Variants in ADK observed in about 807,000 individuals in gnomAD.
ADK encodes the protein adenosine kinase.
ADK carries 24 observed loss-of-function variants against 44.7 expected under a neutral mutation model. The ratio of observed to expected loss-of-function variants is 0.54; its 90% confidence interval spans 0.39 to 0.76. ADK has a LOEUF of 0.76. ADK is among the 30% of genes least tolerant of loss of function. ADK has a pLI of 0.00. For synonymous variants in ADK, 128 were observed against 142.6 expected (o/e 0.90, Z 0.73); for missense variants, 321 against 425.1 (o/e 0.76, Z 2.15).
At chr10:74,218,326 A>G (rs1844146270) in intron 2 of ADK, among the ~76,000 whole-genome samples, 1 of 152,210 alleles carries the variant, frequency 6.6e-6, no homozygotes. Context: ...AGAAAAAAGA[A>G]TAAAAAGAAA....
At chr10:74,267,449 C>G (rs1166026633) in intron 3 of ADK, among the ~76,000 whole-genome samples, 1 of 152,064 alleles carries the variant, frequency 6.6e-6, no homozygotes, top group Non-Finnish European at 1.5e-5. Context: ...AAGATGATTC[C>G]TTGATTCCTG....
chr10:74,233,823 A>G (rs1243370462), intron 3 of ADK, among the ~76,000 whole-genome samples: 1 of 152,214 alleles, frequency 6.6e-6, no homozygotes, highest in African/African-American at 2.4e-5. Flanking sequence ...CTCTTCAACA[A>G]TAACAAAAAA....
At chr10:74,221,368 A>G (rs1844301358) in intron 2 of ADK, among the ~76,000 whole-genome samples, 2 of 150,604 alleles carry the variant, frequency 1.3e-5, no homozygotes, top group South Asian at 4.2e-4. Context: ...ATGAAATAAA[A>G]GAGGATACAA....
chr10:74,591,979 A>AT (rs113607429), intron 8 of ADK, among the ~76,000 whole-genome samples: 49 of 148,540 alleles, frequency 3.3e-4, no homozygotes, highest in South Asian at 1.9e-3. Flanking sequence ...TCTCAGTGGC[A>AT]TTTTTTTTTT....
chr10:74,514,020 G>T (rs1848459883), intron 6 of ADK, among the ~76,000 whole-genome samples: 1 of 152,136 alleles, frequency 6.6e-6, no homozygotes, highest in South Asian at 2.1e-4. Flanking sequence ...GATTCCCTTA[G>T]TTTTGCTAGT....
chr10:74,220,212 C>G (rs1232414160), intron 2 of ADK, among the ~76,000 whole-genome samples: 4 of 151,744 alleles, frequency 2.6e-5, no homozygotes, highest in African/African-American at 2.4e-5. Flanking sequence ...CACAGAAATA[C>G]AAACTACCAT....
At position 74,323,789 on chromosome 10, in the gene ADK, C is replaced by T. The variant is rs1341839027; in HGVS notation, c.273+9044C>T. Among the ~76,000 whole-genome samples, 5 of 152,204 alleles carry T rather than the reference C, an allele frequency of 3.3e-5. No individual in the cohort carries two copies. In the East Asian group the frequency reaches 9.7e-4, roughly 30 times the overall value. On this transcript the variant is annotated intron_variant, in intron 4 of 10. Transcript: ENST00000539909. ...GTTTCACCGTGTTAGCCAGGATGGT[C>T]TCTATCTCCTGACCTTGTGATCCGC...
intron 3 of ADK, among the ~76,000 whole-genome samples, chr10:74,232,848 A>G (rs1177328558): frequency 1.3e-5 from 2 of 151,850 alleles, no homozygotes; most frequent in Non-Finnish European, 2.9e-5. Flanking sequence ...CTAGTCTCGA[A>G]CTCCTGACCT....
chr10:74,305,587 C>T (rs1840217749), intron 3 of ADK, among the ~76,000 whole-genome samples: 1 of 152,160 alleles, frequency 6.6e-6, no homozygotes, highest in African/African-American at 2.4e-5. Context: ...CTTGGTTCCA[C>T]TCTCTGTGTT....
intron 4 of ADK, among the ~76,000 whole-genome samples, chr10:74,352,853 A>C (rs1842011178): frequency 6.6e-6 from 1 of 152,246 alleles, no homozygotes; most frequent in Non-Finnish European, 1.5e-5. Context: ...GCAAATCAAA[A>C]CCACAATGAG....
At chr10:74,215,302 G>T (rs1454771829) in intron 2 of ADK, among the ~76,000 whole-genome samples, 1 of 152,150 alleles carries the variant, frequency 6.6e-6, no homozygotes, top group Non-Finnish European at 1.5e-5. Flanking sequence ...AAGCCATGGT[G>T]GGAAGTTGGG....
chr10:74,531,795 A>C (rs898638720), intron 7 of ADK, among the ~76,000 whole-genome samples: 1 of 152,152 alleles, frequency 6.6e-6, no homozygotes, highest in Non-Finnish European at 1.5e-5. Flanking sequence ...AGCCTCCCAA[A>C]GTGCTGGGAT....
intron 4 of ADK, among the ~76,000 whole-genome samples, chr10:74,356,827 G>GGA (rs1228850583): frequency 9.9e-5 from 15 of 152,188 alleles, no homozygotes; most frequent in African/African-American, 3.4e-4. Flanking sequence ...AGTGTTCTAA[G>GGA]GAGAGGCATT....
chr10:74,262,298 A>G (rs1394571337), intron 3 of ADK, among the ~76,000 whole-genome samples: 2 of 140,644 alleles, frequency 1.4e-5, no homozygotes, highest in African/African-American at 5.3e-5. Flanking sequence ...GGATGACAAG[A>G]GTGAGACTTC....
chr10:74,170,397 C>T (rs888216112), intron 1 of ADK, among the ~76,000 whole-genome samples: 10 of 151,800 alleles, frequency 6.6e-5, no homozygotes, highest in South Asian at 2.1e-4. Context: ...GTAGTTTTGA[C>T]GGTTGTGAAT....
chr10:74,207,102 G>A (rs1843631618), intron 2 of ADK, among the ~76,000 whole-genome samples: 1 of 152,186 alleles, frequency 6.6e-6, no homozygotes, highest in Non-Finnish European at 1.5e-5. Flanking sequence ...GGTGGGGTGG[G>A]CATCTCCAGG....
At chr10:74,414,223 TAAA>T (rs748882989) in intron 6 of ADK, among the ~76,000 whole-genome samples, 3 of 152,050 alleles carry the variant, frequency 2.0e-5, no homozygotes, top group Non-Finnish European at 2.9e-5. Context: ...AAAAAAATAA[TAAA>T]AAGGTATCTG....
rs890823914 is a variant in ADK, at chr10:74,606,340, C to T, written c.877+5847C>T. On this transcript the variant is annotated intron_variant, in intron 9 of 10. Transcript: ENST00000539909. ...TCTTTTAATTGTGATGTTAGGATGT[C>T]GATTTTAGATCTTTCCCGCTTTCTC... Among the ~76,000 whole-genome samples, 58 of 152,122 alleles carry T rather than the reference C, an allele frequency of 3.8e-4. 1 individual carries two copies. The highest frequency in any genetic ancestry group is 3.3e-3 in the Admixed American group (50 of 15,272).
At chr10:74,433,388 C>G (rs549556829) in intron 6 of ADK, among the ~76,000 whole-genome samples, 109 of 152,284 alleles carry the variant, frequency 7.2e-4, no homozygotes, top group African/African-American at 1.4e-3. Context: ...TAAGAATGGA[C>G]TGAAGATTCT....
Sources: gnomAD v4.1 joint callset for allele counts (sites outside exome capture counted in the v4.1 genomes callset) on GRCh38, gnomAD v4.1.1 for gene constraint, MANE v1.5 for transcripts, NCBI Gene and HGNC (gene_info 2026-07-23, HGNC 2026-07-21) for gene names.